Variants in CFAP47 observed in about 807,000 individuals in gnomAD.
The protein encoded by CFAP47 is cilia and flagella associated protein 47, also known as cilia- and flagella-associated protein 47.
In CFAP47, 29 loss-of-function variants were observed where a neutral mutation model predicts 148.1. That is an observed-to-expected ratio of 0.20 (90% CI 0.15 to 0.27). The LOEUF (loss-of-function observed/expected upper bound fraction) is 0.27. CFAP47 is among the 10% of genes least tolerant of loss of function. The pLI, the probability that CFAP47 is intolerant of heterozygous loss-of-function variation, is 1.00. For synonymous variants in CFAP47, 664 were observed against 577.3 expected (o/e 1.15, Z -2.15); for missense variants, 1,872 against 1,697.5 (o/e 1.10, Z -1.81).
At chrX:36,347,843 T>G (rs962213389) in intron 57 of CFAP47, among the ~76,000 whole-genome samples, 2 of 110,933 alleles carry the variant, frequency 1.8e-5, no homozygotes, top group Admixed American at 1.9e-4. Flanking sequence ...GATGGGTTGA[T>G]GGGTGCAGCA....
At chrX:35,987,450 G>A (rs770921218) in intron 15 of CFAP47, among the ~76,000 whole-genome samples, 1 of 110,900 alleles carries the variant, frequency 9.0e-6, no homozygotes, top group Non-Finnish European at 1.9e-5. Context: ...AATGGCAGAC[G>A]CCCCTCCCCC....
chrX:36,037,998 T>C (rs1001066114), intron 24 of CFAP47, among the ~76,000 whole-genome samples: 2 of 111,570 alleles, frequency 1.8e-5, no homozygotes, highest in Non-Finnish European at 3.8e-5. Flanking sequence ...CTCCTCTCCT[T>C]TCTTCTCCAG....
intron 33 of CFAP47, among the ~76,000 whole-genome samples, chrX:36,124,368 A>G (rs1938800139): frequency 1.8e-5 from 2 of 111,196 alleles, no homozygotes; most frequent in East Asian, 2.9e-4. Flanking sequence ...CTTGTGGCCT[A>G]TATTGCCTTT....
At chrX:36,267,363 CT>C (rs1343312586) in intron 49 of CFAP47, among the ~76,000 whole-genome samples, 2 of 110,830 alleles carry the variant, frequency 1.8e-5, no homozygotes, top group African/African-American at 6.6e-5. Context: ...GAATTTGGAT[CT>C]TTTTGGTTTT....
intron 40 of CFAP47, among the ~76,000 whole-genome samples, chrX:36,181,795 C>T (rs1939753295): frequency 9.0e-6 from 1 of 111,721 alleles, no homozygotes; most frequent in South Asian, 3.7e-4. Context: ...AAGACTGTCT[C>T]CTAAATCAAA....
At chrX:36,247,573 G>T (rs1372244203) in intron 48 of CFAP47, among the ~76,000 whole-genome samples, 1 of 111,326 alleles carries the variant, frequency 9.0e-6, no homozygotes, top group Non-Finnish European at 1.9e-5. Flanking sequence ...ATTTCTGTAT[G>T]CTACTGAAAT....
Position 36,002,717 on chromosome X carries a change from A to G in CFAP47, c.3417+1010A>G, listed in dbSNP as rs191477349. On this transcript the variant is annotated intron_variant, in intron 21 of 63. Coordinates refer to ENST00000378653, the MANE Select transcript of CFAP47 (RefSeq NM_001304548.2). ...CAAAACTTTTTTTTAATACACCAAC[A>G]TAACTAAATTGATTCTGCTCAATAG... is the stretch of plus-strand genomic sequence containing the variant. Among the ~76,000 whole-genome samples, 781 of 111,832 alleles carry G rather than the reference A, an allele frequency of 7.0e-3. 4 individuals carry two copies. The highest frequency in any genetic ancestry group is 0.023 in the Middle Eastern group (5 of 214).
chrX:36,240,793 A>G (rs782230747), intron 48 of CFAP47, among the ~76,000 whole-genome samples: 3 of 112,097 alleles, frequency 2.7e-5, no homozygotes, highest in Non-Finnish European at 5.6e-5. Context: ...TAAAAACAGC[A>G]TCAAAAAAAT....
intron 30 of CFAP47, among the ~76,000 whole-genome samples, chrX:36,097,069 C>G (rs1938291709): frequency 9.0e-6 from 1 of 111,212 alleles, no homozygotes; most frequent in Non-Finnish European, 1.9e-5. Flanking sequence ...AAGCTGATAA[C>G]AACTTAACAC....
chrX:36,347,219 C>T (rs782799161), intron 57 of CFAP47, among the ~76,000 whole-genome samples: 25 of 112,038 alleles, frequency 2.2e-4, no homozygotes, highest in African/African-American at 8.1e-4. Flanking sequence ...AAATGCAAAT[C>T]AAAACCACAA....
chrX:36,237,958 A>C (rs1271454356), intron 48 of CFAP47, among the ~76,000 whole-genome samples: 9 of 111,324 alleles, frequency 8.1e-5, no homozygotes, highest in Admixed American at 6.7e-4. Flanking sequence ...TTATCTTCTC[A>C]TGTCCGAGTA....
At position 36,293,752 on chromosome X, in the gene CFAP47, A is replaced by T. The variant is rs782703280; in HGVS notation, c.7687-5225A>T. 5.4e-5 allele frequency among the ~76,000 whole-genome samples: 6 copies of T among 111,880 alleles called. 1 individual carries two copies. In the Admixed American group the frequency reaches 5.7e-4, roughly 11 times the overall value. On this transcript the variant is annotated intron_variant, in intron 51 of 63. Transcript: ENST00000378653. ...AATGGAGACATGATGTTTCTGGCAC[A>T]TCAAGGGAGGGGAGGAATCTTTAGC...
At chrX:36,223,228 A>C (rs1292121994) in intron 45 of CFAP47, among the ~76,000 whole-genome samples, 3 of 110,848 alleles carry the variant, frequency 2.7e-5, no homozygotes, top group Non-Finnish European at 5.7e-5. Flanking sequence ...TAGTTAAATA[A>C]ATTTCCCAGT....
At chrX:36,204,863 C>T (rs782304738) in intron 44 of CFAP47, 94 bp from the exon 45 acceptor site, 92 of 288,462 alleles carry the variant, frequency 3.2e-4, no homozygotes, top group African/African-American at 2.3e-3. Flanking sequence ...GATTTTTTTC[C>T]CCAAAGGTAT....
chrX:36,138,148 C>T (rs1029037632), intron 34 of CFAP47, 93 bp downstream of exon 34: 8 of 505,996 alleles, frequency 1.6e-5, no homozygotes, highest in Middle Eastern at 1.2e-3. Flanking sequence ...CAGATTATTT[C>T]GAATGTCTTA....
At chrX:36,055,665 A>T (rs1018816844) in intron 26 of CFAP47, among the ~76,000 whole-genome samples, 4 of 112,451 alleles carry the variant, frequency 3.6e-5, no homozygotes, top group Middle Eastern at 4.7e-3. Flanking sequence ...AGAATGATTT[A>T]TATTCCTTTG....
intron 45 of CFAP47, among the ~76,000 whole-genome samples, chrX:36,220,452 T>A (rs1162419819): frequency 9.0e-6 from 1 of 110,600 alleles, no homozygotes; most frequent in African/African-American, 3.3e-5. Context: ...ATTTTTAAGA[T>A]GTAAATTTTT....
At chrX:36,031,751 A>AATG (rs1308925123) in intron 23 of CFAP47, among the ~76,000 whole-genome samples, 1 of 105,850 alleles carries the variant, frequency 9.4e-6, no homozygotes, top group African/African-American at 3.5e-5. Flanking sequence ...TAATAATAAT[A>AATG]ATAAAGTAGC....
chrX:36,170,266 A>T (rs1939551514), intron 39 of CFAP47, among the ~76,000 whole-genome samples: 1 of 111,803 alleles, frequency 8.9e-6, no homozygotes, highest in Admixed American at 9.5e-5. Flanking sequence ...ATATAGAGGG[A>T]TAAATGTATG....
Sources: allele counts gnomAD v4.1 joint callset (sites outside exome capture counted in the v4.1 genomes callset), GRCh38; gene constraint gnomAD v4.1.1; transcripts MANE v1.5; gene names NCBI Gene and HGNC (gene_info 2026-07-23, HGNC 2026-07-21).